Variants in GFM1 observed in about 807,000 individuals in gnomAD.
The protein encoded by GFM1 is G elongation factor mitochondrial 1, also known as elongation factor G, mitochondrial.
Under a neutral mutation model 96.2 loss-of-function variants are expected in GFM1, and 62 were observed. The ratio of observed to expected loss-of-function variants is 0.64; its 90% CI spans 0.53 to 0.80. The LOEUF is 0.80. Ranked by LOEUF, GFM1 falls within the 30% of genes least tolerant of loss-of-function variation. The pLI is 0.00. For missense variants in GFM1, 852 were observed against 916.6 expected, an observed-to-expected ratio of 0.93 and a Z score of 0.91; for synonymous variants, 282 against 312.9, an observed-to-expected ratio of 0.90 and a Z score of 1.04.
At chr3:158,686,904 T>C (rs1725909941) in intron 15 of GFM1, among the ~76,000 whole-genome samples, 1 of 151,830 alleles carries the variant, frequency 6.6e-6, no homozygotes, top group Non-Finnish European at 1.5e-5. Flanking sequence ...AGCTAATTTT[T>C]GTATTTTTAG....
intron 13 of GFM1, chr3:158,672,686 C>G (rs1220886524): frequency 2.0e-6 from 1 of 512,186 alleles, no homozygotes; most frequent in African/African-American, 1.9e-5. Context: ...CCTGGGCTGA[C>G]TGCTTCTGAG....
At chr3:158,680,889 T>C (rs1725317198) in intron 13 of GFM1, among the ~76,000 whole-genome samples, 1 of 152,188 alleles carries the variant, frequency 6.6e-6, no homozygotes, top group Admixed American at 6.5e-5. Flanking sequence ...TAGAACTTGG[T>C]GCAGTGATGG....
chr3:158,691,494 CT>C lies in GFM1; in HGVS notation c.*28del. The C allele has an allele frequency of 6.2e-7, 1 of 1,611,674 alleles. No homozygotes were observed. On this transcript the variant is annotated 3_prime_UTR_variant, in exon 18 of 18. Coordinates refer to ENST00000486715, the MANE Select transcript of GFM1 (RefSeq NM_024996.7). The stretch of plus-strand genomic sequence containing the variant: ...TTTGCTTACTGTGAGTTGACTGACT[CT>C]AATTGAATCTGCGTGGTTTTGATAC...
chr3:158,680,244 C>T (rs1423505895), intron 13 of GFM1, among the ~76,000 whole-genome samples: 1 of 152,044 alleles, frequency 6.6e-6, no homozygotes, highest in Non-Finnish European at 1.5e-5. Flanking sequence ...TTAGTGTAAT[C>T]GTCTGCCAAA....
intron 13 of GFM1, among the ~76,000 whole-genome samples, chr3:158,674,617 C>G (rs1166899802): frequency 6.6e-6 from 1 of 152,114 alleles, no homozygotes; most frequent in Non-Finnish European, 1.5e-5. Flanking sequence ...TCTTATTTGT[C>G]TAAGAGCATT....
chr3:158,666,504 G>C (rs1380486834), intron 13 of GFM1, 118 bp downstream of exon 13: 1 of 1,129,404 alleles, frequency 8.9e-7, no homozygotes, highest in African/African-American at 1.6e-5. Flanking sequence ...TTGTATTATG[G>C]ACTCTATAAA....
rs863224032 is a variant in GFM1, at chr3:158,652,106, C to T, written c.700C>T (p.Arg234Ter). 1.1e-5 allele frequency: 17 copies of T among 1,613,682 alleles called. No individual in the cohort carries two copies. Among genetic ancestry groups the T allele is most frequent in the African/African-American group, 1.3e-5 (1 of 74,842 alleles). Residue 234 changes from arginine to a stop codon, truncating the protein, a stop_gained, in exon 6 of 18, where the codon CGA becomes TGA. Transcript: ENST00000486715. LOFTEE classifies it high-confidence loss of function. ...TATTTGCTTTCTTAGTCAGATTGTT[C>T]GATATGGTGAGATTCCAGCTGAATT... ...YFDGDFGQIV[R>*]YGEIPAELRA...
chr3:158,653,738 C>G lies in GFM1; in HGVS notation c.998+271C>G, dbSNP rs558773724. Among the ~76,000 whole-genome samples, 5 of 150,336 alleles carry G rather than the reference C, an allele frequency of 3.3e-5. No individual in the cohort carries two copies. The South Asian group carries it at 1.1e-3, about 32-fold the overall frequency. On this transcript the variant is annotated intron_variant, in intron 7 of 17. Coordinates refer to ENST00000486715, the MANE Select transcript of GFM1 (RefSeq NM_024996.7). ...AGAAAATTTTCTCATTTGGGACTAG[C>G]TGTTTTCAGACATACTGTTAAAAAA...
intron 13 of GFM1, chr3:158,672,633 C>G: frequency 2.4e-6 from 2 of 850,788 alleles, no homozygotes; most frequent in Middle Eastern, 3.8e-4. Context: ...CCTTCCGACT[C>G]CGGAAGCTGC....
intron 14 of GFM1, among the ~76,000 whole-genome samples, chr3:158,684,291 A>G (rs993933038): frequency 6.6e-6 from 1 of 152,134 alleles, no homozygotes; most frequent in African/African-American, 2.4e-5. Context: ...TTATACAACA[A>G]ACCCCCATGA....
chr3:158,689,019 A>G (rs1726093063), intron 15 of GFM1, among the ~76,000 whole-genome samples: 1 of 152,202 alleles, frequency 6.6e-6, no homozygotes, highest in Admixed American at 6.5e-5. Context: ...TTTAAACAAA[A>G]TATTACCCTT....
chr3:158,690,553 C>T lies in GFM1; in HGVS notation c.2070+230C>T, dbSNP rs1726225203. 1.7e-5 allele frequency: 9 copies of T among 528,392 alleles called. No homozygotes were observed. In the South Asian group the frequency reaches 2.0e-4, roughly 12 times the overall value. The allele number at this position is 528,392 out of a possible 1,614,324, so 32.7% of individuals were successfully genotyped here. ...TGTCATTTTCTTAGATGTATATTAT[C>T]TCTCTTTCTTGAATAAGCACAGATG... is the stretch of plus-strand genomic sequence containing the variant. On this transcript the variant is annotated intron_variant, in intron 16 of 17. Transcript: ENST00000486715.
At position 158,691,932 on chromosome 3, in the gene GFM1, T is replaced by C. The variant is rs144668927; in HGVS notation, c.*465T>C. ...TCATATAATAATTTGTTTTGTCATA[T>C]TTGCTTTCACTGTCTATTATCTGTT... is the stretch of plus-strand genomic sequence containing the variant. On this transcript the variant is annotated 3_prime_UTR_variant, in exon 18 of 18. Transcript: ENST00000486715. The C allele has an allele frequency of 5.8e-6, 1 of 173,060 alleles. No individual in the cohort carries two copies. The highest frequency in any genetic ancestry group is 1.7e-4 in the East Asian group (1 of 6,024). The allele number at this position is 173,060 out of a possible 1,614,324, so 10.7% of individuals were successfully genotyped here. A position where few individuals can be genotyped will look rare whatever the true frequency, so the allele number is the denominator to read the frequency against.
At chr3:158,669,294 G>A in intron 13 of GFM1, 2 of 1,177,282 alleles carry the variant, frequency 1.7e-6, no homozygotes, top group Non-Finnish European at 2.4e-6. Context: ...TTTTTTGTTG[G>A]ATTGGATTAG....
At position 158,666,340 on chromosome 3, in the gene GFM1, GGAA is replaced by G; in HGVS notation, c.1556_1558del (p.Gly519_Lys520delinsGlu). The G allele has an allele frequency of 6.2e-7, 1 of 1,613,690 alleles. No individual in the cohort carries two copies. The highest frequency in any genetic ancestry group is 8.5e-7 in the Non-Finnish European group (1 of 1,179,824). On this transcript the variant is annotated inframe_deletion, in exon 13 of 18. Coordinates refer to ENST00000486715, the MANE Select transcript of GFM1 (RefSeq NM_024996.7). Reference sequence around the variant, plus strand: ...AGAGTATGGCTGTCCTTGTATCACAGGAAAGCCAAAAGTTGCCTTTCGAGAGAC... The same window carrying G: ...AGAGTATGGCTGTCCTTGTATCACAGAGCCAAAAGTTGCCTTTCGAGAGAC...
At position 158,649,998 on chromosome 3, in the gene GFM1, T is replaced by A. The variant is rs1298925129; in HGVS notation, c.689+841T>A. 2.0e-6 allele frequency: 3 copies of A among 1,535,458 alleles called. No homozygotes were observed. The Admixed American group carries it at 5.9e-5, about 30-fold the overall frequency. On this transcript the variant is annotated intron_variant, in intron 5 of 17. Coordinates refer to ENST00000486715, the MANE Select transcript of GFM1 (RefSeq NM_024996.7). The stretch of plus-strand genomic sequence containing the variant: ...GTGACCTCTGTAGCCTGGTCGTTTC[T>A]CCACAGGCACTTCCTGAGGGATTTC...
chr3:158,646,086 G>C, intron 2 of GFM1, 79 bp from the exon 3 acceptor site: 1 of 1,566,492 alleles, frequency 6.4e-7, no homozygotes, highest in South Asian at 1.1e-5. Flanking sequence ...CCTGGCAACT[G>C]TTTCCATTTC....
intron 13 of GFM1, among the ~76,000 whole-genome samples, chr3:158,670,052 T>C (rs1442985617): frequency 6.6e-6 from 1 of 152,238 alleles, no homozygotes; most frequent in Non-Finnish European, 1.5e-5. Flanking sequence ...TAGAAGATTA[T>C]GGCATTGGGT....
chr3:158,646,631 C>A, intron 3 of GFM1, 112 bp from the exon 4 acceptor site: 1 of 972,734 alleles, frequency 1.0e-6, no homozygotes, highest in South Asian at 1.4e-5. Context: ...CAGGAATCTA[C>A]ATTCTTATTA....
Sources: gnomAD v4.1 joint callset for allele counts (sites outside exome capture counted in the v4.1 genomes callset) on GRCh38, gnomAD v4.1.1 for gene constraint, MANE v1.5 for transcripts, NCBI Gene and HGNC (gene_info 2026-07-23, HGNC 2026-07-21) for gene names.